The following SOX30 variants were observed in gnomAD, a reference collection of about 807,000 sequenced individuals.
SOX30 encodes SRY-box transcription factor 30.
A neutral mutation model predicts 58.6 loss-of-function variants in SOX30; 17 were observed. The ratio of observed to expected loss-of-function variants is 0.29; its 90% CI spans 0.20 to 0.44. The LOEUF is 0.44. Ranked by LOEUF, SOX30 falls within the 20% of genes least tolerant of loss-of-function variation. The pLI is 1.00. For synonymous variants in SOX30, 421 were observed against 400.2 expected (o/e 1.05, Z -0.62); for missense variants, 951 against 965.8 (o/e 0.98, Z 0.20).
At position 157,652,039 on chromosome 5, in the gene SOX30, G is replaced by A; in HGVS notation, c.40C>T (p.Pro14Ser). Residue 14 changes from proline (P) to serine (S), a missense_variant, in exon 1 of 5, where the codon CCG (proline) becomes TCG (serine). Physicochemically the swap from Pro to Ser is moderately conservative, Grantham distance 74. Transcript: ENST00000265007. Reference sequence around the variant, plus strand: ...AGCGGGGGCGGAGCGGGACGCAACGGGCGCGGCTGAGGCGGCGGCTCGGGT... The same window carrying A: ...AGCGGGGGCGGAGCGGGACGCAACGAGCGCGGCTGAGGCGGCGGCTCGGGT... ...ARPEPPPQPR[P>S]LRPAPPPLPV... 5 of 1,424,346 alleles carry A rather than the reference G, an allele frequency of 3.5e-6. No individual in the cohort carries two copies. The highest frequency in any genetic ancestry group is 4.6e-6 in the Non-Finnish European group (5 of 1,097,916). 88.2% of individuals were successfully genotyped at this position (1,424,346 alleles called of 1,614,324 possible). A position where few individuals can be genotyped will look rare whatever the true frequency, so the allele number is the denominator to read the frequency against.
Position 157,633,570 on chromosome 5 carries a change from C to T in SOX30, c.1880+4660G>A, listed in dbSNP as rs59333258. On this transcript the variant is annotated intron_variant, in intron 4 of 4. Transcript: ENST00000265007. Reference sequence around the variant, plus strand: ...TCATGTTTTGGGACTGTTAGTTTCCCTCCTCCATAAGTTTAGGCAAAAGTT... The same window carrying T: ...TCATGTTTTGGGACTGTTAGTTTCCTTCCTCCATAAGTTTAGGCAAAAGTT... Among the ~76,000 whole-genome samples the T allele has an allele frequency of 1.2e-4, 18 of 152,194 alleles. No homozygotes were observed. In the East Asian group the frequency reaches 3.5e-3, roughly 29 times the overall value.
intron 2 of SOX30, among the ~76,000 whole-genome samples, chr5:157,663,622 GAAAT>G (rs1053593797): frequency 3.9e-5 from 6 of 152,148 alleles, no homozygotes; most frequent in African/African-American, 1.4e-4. Flanking sequence ...GCAGAAGAAA[GAAAT>G]AAAGGGTATT....
chr5:157,645,787 G>A (rs542018433), intron 3 of SOX30, among the ~76,000 whole-genome samples: 32 of 152,222 alleles, frequency 2.1e-4, no homozygotes, highest in South Asian at 1.2e-3. Flanking sequence ...TTGGGAGGCC[G>A]GGGCGGGCAG....
In SOX30 at chr5:157,663,330, A is replaced by C. The variant is rs905105879; in HGVS notation, c.52+4468T>G. On this transcript the variant is annotated intron_variant, in intron 2 of 5. Transcript: ENST00000519442. ...AATCAATAAACGTAATCCAGCATATAAACAGAGCCAAAGACAAAAACCACA... is the reference window on the plus strand; with the variant it reads ...AATCAATAAACGTAATCCAGCATATCAACAGAGCCAAAGACAAAAACCACA... Among the ~76,000 whole-genome samples, 11 of 152,350 alleles carry C rather than the reference A, an allele frequency of 7.2e-5. No individual in the cohort carries two copies. In the Middle Eastern group the frequency reaches 0.01, roughly 141 times the overall value.
intron 3 of SOX30, among the ~76,000 whole-genome samples, chr5:157,639,452 C>T (rs891558273): frequency 4.6e-5 from 7 of 151,900 alleles, no homozygotes; most frequent in African/African-American, 1.7e-4. Context: ...CTATTGTATT[C>T]AATATGAATA....
Position 157,668,224 on chromosome 5 carries a change from G to A in SOX30, c.-3-372C>T, listed in dbSNP as rs1305598261. ...CCTACGGCTGTAGCTGTTGAGGACA[G>A]TGGTTGATAACATGTCAAGAAGGAA... On this transcript the variant is annotated intron_variant, in intron 1 of 5. Transcript: ENST00000519442. 2.0e-5 allele frequency among the ~76,000 whole-genome samples: 3 copies of A among 152,194 alleles called. No homozygotes were observed. In the East Asian group the frequency reaches 5.8e-4, roughly 29 times the overall value.
intron 4 of SOX30, among the ~76,000 whole-genome samples, chr5:157,634,473 T>G (rs1758879034): frequency 9.5e-6 from 1 of 105,342 alleles, no homozygotes; most frequent in African/African-American, 8.2e-5. Flanking sequence ...CTCCTTGGCC[T>G]CCCAAAGTGT....
At chr5:157,631,357 C>T (rs1022017193) in intron 4 of SOX30, among the ~76,000 whole-genome samples, 8 of 152,106 alleles carry the variant, frequency 5.3e-5, no homozygotes, top group Non-Finnish European at 7.4e-5. Context: ...AAAAATGAAC[C>T]GTACTCTCAC....
chr5:157,662,592 A>T (rs969222596), intron 2 of SOX30, among the ~76,000 whole-genome samples: 1 of 152,204 alleles, frequency 6.6e-6, no homozygotes, highest in Admixed American at 6.5e-5. Flanking sequence ...GTAAACCACA[A>T]ATAAAATTCA....
intron 4 of SOX30, among the ~76,000 whole-genome samples, chr5:157,627,158 T>TAG (rs1758677009): frequency 1.3e-5 from 2 of 152,172 alleles, no homozygotes; most frequent in Non-Finnish European, 2.9e-5. Context: ...GGTCAAGAGA[T>TAG]AGAGATCATC....
intron 1 of SOX30, among the ~76,000 whole-genome samples, chr5:157,669,491 TTTATTTA>T (rs1759734160): frequency 1.7e-5 from 2 of 114,532 alleles, no homozygotes; most frequent in African/African-American, 6.6e-5. Flanking sequence ...ATCAATTTTA[TTTATTTA>T]TTTATTTATT....
intron 2 of SOX30, among the ~76,000 whole-genome samples, chr5:157,666,808 C>T (rs935535595): frequency 6.6e-6 from 1 of 152,016 alleles, no homozygotes; most frequent in East Asian, 1.9e-4. Context: ...TGGGTTCAAG[C>T]GATTCTCCCG....
At chr5:157,653,864 T>C (rs1445137794), upstream of SOX30, among the ~76,000 whole-genome samples, 1 of 152,098 alleles carries the variant, frequency 6.6e-6, no homozygotes, top group Non-Finnish European at 1.5e-5. Context: ...ATTATACCCA[T>C]AAAAACTATT....
intron 1 of SOX30, among the ~76,000 whole-genome samples, chr5:157,649,956 C>T (rs1399056127): frequency 2.0e-5 from 3 of 152,098 alleles, no homozygotes; most frequent in East Asian, 1.9e-4. Context: ...TGGCTCACAC[C>T]TGTAACCTCA....
chr5:157,656,905 ATAAAT>A (rs575720575), upstream of SOX30, among the ~76,000 whole-genome samples: 2 of 152,358 alleles, frequency 1.3e-5, no homozygotes, highest in Admixed American at 6.5e-5. Context: ...CAGTTTTTCT[ATAAAT>A]TAAACATTGG....
chr5:157,647,716 A>G (rs1034399235), intron 2 of SOX30, among the ~76,000 whole-genome samples: 3 of 151,326 alleles, frequency 2.0e-5, no homozygotes, highest in Admixed American at 2.0e-4. Flanking sequence ...CACCATGCCC[A>G]GCTAATTTTT....
chr5:157,663,987 T>C (rs539029386), intron 2 of SOX30, among the ~76,000 whole-genome samples: 5 of 151,954 alleles, frequency 3.3e-5, no homozygotes, highest in African/African-American at 1.2e-4. Flanking sequence ...TGCTCATGGA[T>C]AGGAAGAATC....
chr5:157,665,505 G>A (rs888541578), intron 2 of SOX30, among the ~76,000 whole-genome samples: 19 of 151,730 alleles, frequency 1.3e-4, no homozygotes, highest in Non-Finnish European at 2.4e-4. Context: ...GTTAAATGAC[G>A]AGTTAATGGG....
At chr5:157,640,238 CTATTCGTA>C (rs1759030555) in intron 3 of SOX30, among the ~76,000 whole-genome samples, 1 of 152,126 alleles carries the variant, frequency 6.6e-6, no homozygotes, top group African/African-American at 2.4e-5. Flanking sequence ...CTCTCAATTT[CTATTCGTA>C]TCCCAGTATC....
Sources: gnomAD v4.1 joint callset for allele counts (sites outside exome capture counted in the v4.1 genomes callset) on GRCh38, gnomAD v4.1.1 for gene constraint, MANE v1.5 for transcripts, NCBI Gene and HGNC (gene_info 2026-07-23, HGNC 2026-07-21) for gene names.